Variants in SMARCA2 observed in about 807,000 individuals in gnomAD.
The protein encoded by SMARCA2 is SWI/SNF related BAF chromatin remodeling complex subunit ATPase 2.
A neutral mutation model predicts 199.8 loss-of-function variants in SMARCA2; 61 were observed. That is an observed-to-expected ratio of 0.31 (90% confidence interval 0.25 to 0.38). The LOEUF (loss-of-function observed/expected upper bound fraction) is 0.38, where lower values mean the gene tolerates loss of function less well. Among genes scored for constraint, SMARCA2 ranks in the 10% least tolerant of loss-of-function variants. SMARCA2 has a pLI of 1.00. For missense variants in SMARCA2, 1,344 were observed against 2,012.2 expected (o/e 0.67, Z 6.35); for synonymous variants, 935 against 732.0 (o/e 1.28, Z -4.48).
Position 2,056,515 on chromosome 9 carries a change from T to C in SMARCA2, c.1174-157T>C, listed in dbSNP as rs1308092833. Among the ~76,000 whole-genome samples the C allele has an allele frequency of 1.3e-5, 2 of 152,206 alleles. No individual in the cohort carries two copies. The highest frequency in any genetic ancestry group is 1.3e-4 in the Admixed American group (2 of 15,290). ...AAAATATTGCATACATTTGGCATGA[T>C]TTTAGTTCCTTCATTTAATACAAAC... On this transcript the variant is annotated intron_variant, in intron 6 of 33. Transcript: ENST00000349721. The surrounding 1 kb of genome is among the most constrained non-coding windows in gnomAD (Gnocchi z 4.0).
At chr9:2,181,543 G>C (rs762539541) in intron 29 of SMARCA2, 28 bp from the exon 30 acceptor site, 2 of 1,103,204 alleles carry the variant, frequency 1.8e-6, no homozygotes, top group Non-Finnish European at 2.8e-6. Context: ...GATGTGGCTT[G>C]TTTTTGTTTG....
intron 27 of SMARCA2, among the ~76,000 whole-genome samples, chr9:2,154,594 T>C (rs1217796183): frequency 6.6e-6 from 1 of 152,206 alleles, no homozygotes; most frequent in African/African-American, 2.4e-5. Flanking sequence ...CGTGGAACCC[T>C]GGATTGTGGC....
chr9:2,149,192 T>C (rs1000185046), intron 27 of SMARCA2, among the ~76,000 whole-genome samples: 12 of 151,140 alleles, frequency 7.9e-5, no homozygotes, highest in East Asian at 5.8e-4. Flanking sequence ...TCTTACATGG[T>C]GGCGGCAAGA....
chr9:2,132,930 A>T (rs1824026736), intron 27 of SMARCA2, among the ~76,000 whole-genome samples: 1 of 152,224 alleles, frequency 6.6e-6, no homozygotes, highest in Non-Finnish European at 1.5e-5. Context: ...ATAATTCGGG[A>T]GAATAAATTT....
At chr9:2,167,723 C>G (rs1006967530) in intron 28 of SMARCA2, among the ~76,000 whole-genome samples, 14 of 152,214 alleles carry the variant, frequency 9.2e-5, no homozygotes, top group African/African-American at 3.4e-4. Flanking sequence ...TTAGTTCTCA[C>G]ATTGGAGAAA....
At chr9:2,174,061 C>T (rs1826402698) in intron 29 of SMARCA2, among the ~76,000 whole-genome samples, 2 of 152,164 alleles carry the variant, frequency 1.3e-5, no homozygotes, top group South Asian at 4.1e-4. Context: ...TGCCCACGTA[C>T]AGCAGGTGGG....
At chr9:2,164,089 A>C (rs1443454244) in intron 28 of SMARCA2, among the ~76,000 whole-genome samples, 1 of 152,158 alleles carries the variant, frequency 6.6e-6, no homozygotes. Context: ...AGGTTGTCAC[A>C]ATCCCCGTCA....
chr9:2,049,626 G>C (rs1489258341), intron 5 of SMARCA2, among the ~76,000 whole-genome samples: 1 of 152,216 alleles, frequency 6.6e-6, no homozygotes, highest in African/African-American at 2.4e-5. Context: ...TGGCCACCTG[G>C]AGAAGAAGCA....
intron 29 of SMARCA2, among the ~76,000 whole-genome samples, chr9:2,180,229 T>C (rs1347801995): frequency 6.6e-6 from 1 of 152,022 alleles, no homozygotes; most frequent in African/African-American, 2.4e-5. Flanking sequence ...GAGGCCCATA[T>C]GTGCATTAAA....
intron 27 of SMARCA2, among the ~76,000 whole-genome samples, chr9:2,146,445 C>A (rs548404602): frequency 1.3e-5 from 2 of 152,268 alleles, no homozygotes; most frequent in South Asian, 4.2e-4. Context: ...CCACCACTTA[C>A]TCAAAGTTAG....
At position 2,170,586 on chromosome 9, in the gene SMARCA2, A is replaced by G; in HGVS notation, c.4253+114A>G. 1.9e-6 allele frequency: 3 copies of G among 1,545,072 alleles called. No individual in the cohort carries two copies. The highest frequency in any genetic ancestry group is 2.7e-6 in the Non-Finnish European group (3 of 1,128,528). The stretch of plus-strand genomic sequence containing the variant: ...AGCAAATTTCTTCGGTCACCTCCTG[A>G]TCACCCCTACTTGGAGAGCGGGATA... On this transcript the variant is annotated intron_variant, in intron 29 of 33. Transcript: ENST00000349721. The surrounding 1 kb of genome is among the most constrained non-coding windows in gnomAD (Gnocchi z 4.7).
chr9:2,038,561 C>A (rs1819434598), intron 3 of SMARCA2, among the ~76,000 whole-genome samples: 1 of 152,088 alleles, frequency 6.6e-6, no homozygotes, highest in South Asian at 2.1e-4. Context: ...GCTTCTTTAC[C>A]CCTTTCCTGA....
At chr9:2,036,247 T>G (rs1563721861) in intron 3 of SMARCA2, among the ~76,000 whole-genome samples, 1 of 151,850 alleles carries the variant, frequency 6.6e-6, no homozygotes, top group Non-Finnish European at 1.5e-5. Context: ...AATTGGCACT[T>G]AGAAGTTCAA....
chr9:2,058,508 G>C, intron 8 of SMARCA2, 44 bp downstream of exon 8: 1 of 1,538,302 alleles, frequency 6.5e-7, no homozygotes, highest in South Asian at 1.1e-5. Context: ...CTCAACCCAC[G>C]TCCGTCTGCA....
chr9:2,088,213 A>G (rs1821886058), intron 18 of SMARCA2, among the ~76,000 whole-genome samples: 1 of 152,158 alleles, frequency 6.6e-6, no homozygotes, highest in East Asian at 1.9e-4. Flanking sequence ...GTCATATCCC[A>G]TACAATTTGA....
intron 27 of SMARCA2, among the ~76,000 whole-genome samples, chr9:2,141,127 A>G (rs1379639036): frequency 6.6e-6 from 1 of 151,112 alleles, no homozygotes; most frequent in Non-Finnish European, 1.5e-5. Context: ...AGAATTCTTA[A>G]TCCAAATTTA....
intron 8 of SMARCA2, among the ~76,000 whole-genome samples, chr9:2,059,170 G>A (rs771627953): frequency 3.4e-5 from 5 of 148,270 alleles, no homozygotes; most frequent in African/African-American, 1.1e-4. Flanking sequence ...TTAGAAAAGC[G>A]TGTGTGTGTG....
chr9:2,170,452 G>C lies in SMARCA2; in HGVS notation c.4233G>C (p.Gln1411His). 10 of 1,614,090 alleles carry C rather than the reference G, an allele frequency of 6.2e-6. No individual in the cohort carries two copies. Among genetic ancestry groups the C allele is most frequent in the Admixed American group, 1.7e-5 (1 of 59,998 alleles). Residue 1411 changes from glutamine (Q) to histidine (H), a missense_variant, in exon 29 of 34, where the codon CAG becomes CAC. By Grantham distance (24) the Gln-to-His change is conservative. This residue lies in a region of SMARCA2 where 151 missense variants were observed against 154.0 expected (regional missense o/e 0.98). Transcript: ENST00000349721. This position sits in a 1 kb window ranked among gnomAD's most constrained non-coding sequence, Gnocchi z 4.7. ...CNVEKVPSNS[Q>H]LEIEGNSSGR... The stretch of plus-strand genomic sequence containing the variant: ...TGGAGAAGGTGCCCAGTAATTCTCA[G>C]TTGGAAATAGAAGGAAACAGGTCAG...
rs867910284 is a variant in SMARCA2, at chr9:2,039,622, C to T, written c.512C>T (p.Pro171Leu). The change falls in exon 4 of 34, where the codon CCC becomes CTC. Residue 171 changes from proline (P) to leucine (L), a missense_variant. Physicochemically the swap from Pro to Leu is moderately conservative, Grantham distance 98 (BLOSUM62 -3). Transcript: ENST00000349721. This position sits in a 1 kb window ranked among gnomAD's most constrained non-coding sequence, Gnocchi z 4.8. ...GCCATGAGCCAGCCCAACAGAGGTC[C>T]CTCACCTTTCAGTCCTGTCCAGCTG... ...PQAMSQPNRG[P>L]SPFSPVQLHQ... The T allele has an allele frequency of 6.2e-7, 1 of 1,614,196 alleles. No individual in the cohort carries two copies. Among genetic ancestry groups the T allele is most frequent in the Non-Finnish European group, 8.5e-7 (1 of 1,180,042 alleles).
Sources: allele counts gnomAD v4.1 joint callset (sites outside exome capture counted in the v4.1 genomes callset), GRCh38; gene constraint gnomAD v4.1.1; regional missense constraint gnomAD v4.1.1; non-coding constraint Gnocchi (gnomAD v3.1); transcripts MANE v1.5; gene names NCBI Gene and HGNC (gene_info 2026-07-23, HGNC 2026-07-21).